The following KIF26B variants were observed in gnomAD, a reference collection of about 807,000 sequenced individuals.
KIF26B encodes kinesin-like protein KIF26B.
KIF26B carries 63 observed loss-of-function variants against 151.2 expected under a neutral mutation model. The ratio of observed to expected loss-of-function variants is 0.42; its 90% CI spans 0.34 to 0.51. KIF26B has a LOEUF of 0.51. KIF26B is among the 20% of genes least tolerant of loss of function. The probability of loss-of-function intolerance (pLI) is 0.07; values close to 1 mark genes in which losing one functional copy is unlikely to be tolerated. For missense variants in KIF26B, 2,813 were observed against 2,913.6 expected (o/e 0.97, Z 0.79); for synonymous variants, 1,357 against 1,262.1 (o/e 1.08, Z -1.59).
intron 4 of KIF26B, among the ~76,000 whole-genome samples, chr1:245,501,862 G>A (rs1313128885): frequency 6.6e-6 from 1 of 152,164 alleles, no homozygotes; most frequent in African/African-American, 2.4e-5. Context: ...GCTTCATCAT[G>A]CCTACATTGT....
chr1:245,164,328 T>C (rs1319139062), intron 2 of KIF26B, among the ~76,000 whole-genome samples: 2 of 152,250 alleles, frequency 1.3e-5, no homozygotes, highest in African/African-American at 4.8e-5. Context: ...TTGAAAGATA[T>C]GCTTCTGGAT....
At chr1:245,373,318 C>A (rs1333865696) in intron 3 of KIF26B, among the ~76,000 whole-genome samples, 1 of 152,190 alleles carries the variant, frequency 6.6e-6, no homozygotes, top group Non-Finnish European at 1.5e-5. Context: ...TAGGTGGAAA[C>A]CACCAGGTAT....
At chr1:245,444,406 A>AGCG (rs1659201367) in intron 4 of KIF26B, among the ~76,000 whole-genome samples, 4 of 152,332 alleles carry the variant, frequency 2.6e-5, no homozygotes, top group Middle Eastern at 6.8e-3. Context: ...GTCTGGGCTA[A>AGCG]GCAGCAGCGT....
rs911185286 is a variant in KIF26B, at chr1:245,155,269, C to T, written c.-156C>T. ...AATTGGTGCTATTACTTGTGGGATCCATTTGCTTTCATTCCCTCCCACCCC... is the reference window on the plus strand; with the variant it reads ...AATTGGTGCTATTACTTGTGGGATCTATTTGCTTTCATTCCCTCCCACCCC... On this transcript the variant is annotated 5_prime_UTR_variant, in exon 1 of 15. Coordinates refer to ENST00000407071, the MANE Select transcript of KIF26B (RefSeq NM_018012.4). The T allele has an allele frequency of 8.7e-5, 58 of 664,310 alleles. No individual in the cohort carries two copies. In the South Asian group the frequency reaches 9.8e-4, roughly 11 times the overall value. The allele number at this position is 664,310 out of a possible 1,614,324, so 41.2% of individuals were successfully genotyped here.
At chr1:245,465,128 G>A (rs1470831196) in intron 4 of KIF26B, among the ~76,000 whole-genome samples, 3 of 73,796 alleles carry the variant, frequency 4.1e-5, no homozygotes, top group African/African-American at 2.0e-4. Context: ...ACAGGCGCCC[G>A]CCACCACACC....
At chr1:245,258,241 G>A (rs773347108) in intron 2 of KIF26B, among the ~76,000 whole-genome samples, 6 of 152,188 alleles carry the variant, frequency 3.9e-5, no homozygotes, top group Non-Finnish European at 7.3e-5. Context: ...GCGTCCAGAG[G>A]TGTAAGACAG....
chr1:245,512,107 A>C lies in KIF26B; in HGVS notation c.1167-28660A>C, dbSNP rs1660850277. On this transcript the variant is annotated intron_variant, in intron 4 of 14. Coordinates refer to ENST00000407071, the MANE Select transcript of KIF26B (RefSeq NM_018012.4). This position sits in a 1 kb window ranked among gnomAD's most constrained non-coding sequence, Gnocchi z 4.3. Reference sequence around the variant, plus strand: ...ATGGTCATTTGCAACTTTTTAAAAAAAGTCCATACGGTAATGTTAATGCAG... The same window carrying C: ...ATGGTCATTTGCAACTTTTTAAAAACAGTCCATACGGTAATGTTAATGCAG... Among the ~76,000 whole-genome samples, 1 of 152,236 alleles carries C rather than the reference A, an allele frequency of 6.6e-6. No individual in the cohort carries two copies. The highest frequency in any genetic ancestry group is 2.1e-4 in the South Asian group (1 of 4,822).
intron 3 of KIF26B, among the ~76,000 whole-genome samples, chr1:245,382,124 A>G (rs543733036): frequency 3.3e-5 from 5 of 152,124 alleles, no homozygotes; most frequent in African/African-American, 9.6e-5. Context: ...TTCTGTTTTT[A>G]ATTTGTTGGG....
At chr1:245,620,520 C>T (rs2043646551) in intron 9 of KIF26B, among the ~76,000 whole-genome samples, 1 of 152,178 alleles carries the variant, frequency 6.6e-6, no homozygotes, top group Non-Finnish European at 1.5e-5. Context: ...CCACTTCAGC[C>T]TCCCACGTAG....
intron 2 of KIF26B, among the ~76,000 whole-genome samples, chr1:245,240,547 C>T (rs976506290): frequency 6.6e-6 from 1 of 152,178 alleles, no homozygotes; most frequent in South Asian, 2.1e-4. Flanking sequence ...TACCACTGCC[C>T]TCAGACTCTC....
At chr1:245,370,400 T>A (rs910477017) in intron 3 of KIF26B, among the ~76,000 whole-genome samples, 1 of 150,924 alleles carries the variant, frequency 6.6e-6, no homozygotes, top group African/African-American at 2.4e-5. Context: ...CCGCAATGAC[T>A]TTTGCACCCA....
chr1:245,486,747 T>C (rs1660289286), intron 4 of KIF26B, among the ~76,000 whole-genome samples: 1 of 152,170 alleles, frequency 6.6e-6, no homozygotes, highest in South Asian at 2.1e-4. Flanking sequence ...CACAGCTCAC[T>C]GCAGCCTCGG....
At position 245,155,196 on chromosome 1, in the gene KIF26B, G is replaced by C; in HGVS notation, c.-229G>C. The C allele has an allele frequency of 1.8e-6, 1 of 564,954 alleles. No homozygotes were observed. Among genetic ancestry groups the C allele is most frequent in the Admixed American group, 3.5e-5 (1 of 28,322 alleles). 35.0% of individuals were successfully genotyped at this position (564,954 alleles called of 1,614,324 possible). A position where few individuals can be genotyped will look rare whatever the true frequency, so the allele number is the denominator to read the frequency against. On this transcript the variant is annotated 5_prime_UTR_variant, in exon 1 of 15. Coordinates refer to ENST00000407071, the MANE Select transcript of KIF26B (RefSeq NM_018012.4). The stretch of plus-strand genomic sequence containing the variant: ...AAGAGGCAGAAGGGGACGAGGAAAA[G>C]CATGCTTTGAAGAGAAGAATAAACC...
chr1:245,355,253 C>T (rs868397993), intron 2 of KIF26B, among the ~76,000 whole-genome samples: 5 of 152,054 alleles, frequency 3.3e-5, no homozygotes, highest in African/African-American at 4.8e-5. Flanking sequence ...TGCTGGGATG[C>T]GGGGTGCTGC....
chr1:245,183,823 G>T (rs990320568), intron 2 of KIF26B, among the ~76,000 whole-genome samples: 4 of 152,048 alleles, frequency 2.6e-5, no homozygotes, highest in African/African-American at 4.8e-5. Flanking sequence ...AAGCATCAGA[G>T]AAAGACCTGG....
In KIF26B at chr1:245,184,050, G is replaced by GTTTTGTTTTTTTTTTTTTTTTTTTT. The variant is rs1553332273; in HGVS notation, c.465+27371_465+27372insGTTTTTTTTTTTTTTTTTTTTTTTT. 1.3e-3 allele frequency among the ~76,000 whole-genome samples: 26 copies of GTTTTGTTTTTTTTTTTTTTTTTTTT among 19,804 alleles called. 2 individuals carry two copies. The highest frequency in any genetic ancestry group is 6.3e-3 in the Admixed American group (6 of 958). 13.0% of individuals were successfully genotyped at this position (19,804 alleles called of 152,430 possible). ...GCAACAGGTATGGGTGGGAGTTGTT[G>GTTTTGTTTTTTTTTTTTTTTTTTTT]TTTTTTTTTTTTTTTTTTTGAGCTT... is the stretch of plus-strand genomic sequence containing the variant. On this transcript the variant is annotated intron_variant, in intron 2 of 14. Transcript: ENST00000407071.
At chr1:245,459,987 G>GT (rs1231613245) in intron 4 of KIF26B, among the ~76,000 whole-genome samples, 1 of 151,386 alleles carries the variant, frequency 6.6e-6, no homozygotes, top group Non-Finnish European at 1.5e-5. Context: ...TTGTTTGTTT[G>GT]TTTTTTCTTT....
At chr1:245,571,903 C>T (rs952253274) in intron 5 of KIF26B, among the ~76,000 whole-genome samples, 7 of 152,178 alleles carry the variant, frequency 4.6e-5, no homozygotes, top group African/African-American at 1.7e-4. Context: ...GAGGTATCTA[C>T]CATCAAAGGG....
At chr1:245,275,463 T>A (rs1670921370) in intron 2 of KIF26B, among the ~76,000 whole-genome samples, 1 of 152,182 alleles carries the variant, frequency 6.6e-6, no homozygotes, top group South Asian at 2.1e-4. Context: ...TGGTTTTAGG[T>A]CTTACGTTTA....
Sources: gnomAD v4.1 joint callset for allele counts (sites outside exome capture counted in the v4.1 genomes callset) on GRCh38, gnomAD v4.1.1 for gene constraint, Gnocchi (gnomAD v3.1) non-coding constraint, MANE v1.5 for transcripts, NCBI Gene and HGNC (gene_info 2026-07-23, HGNC 2026-07-21) for gene names.